Variants in GPR176 observed in about 807,000 individuals in gnomAD.
GPR176 encodes the protein G protein-coupled receptor 176.
GPR176 carries 26 observed loss-of-function variants against 35.4 expected under a neutral mutation model. The observed-to-expected ratio is 0.74, with a 90% CI of 0.54 to 1.02. GPR176 has a LOEUF of 1.02. Ranked by LOEUF, GPR176 falls within the 50% of genes least tolerant of loss-of-function variation. GPR176 has a pLI of 0.00. For synonymous variants in GPR176, 278 were observed against 271.3 expected, an observed-to-expected ratio of 1.02 and a Z score of -0.24; for missense variants, 597 against 665.3, an observed-to-expected ratio of 0.90 and a Z score of 1.13.
In GPR176 at chr15:39,801,540, G is replaced by A; in HGVS notation, c.1140C>T (p.Ile380=). The A allele has an allele frequency of 6.2e-7, 1 of 1,614,154 alleles. No homozygotes were observed. The highest frequency in any genetic ancestry group is 2.2e-5 in the East Asian group (1 of 44,888). The change falls in exon 3 of 3, where the codon ATC becomes ATT. Residue 380 remains isoleucine (I), a synonymous_variant. Coordinates refer to ENST00000561100, the MANE Select transcript of GPR176 (RefSeq NM_007223.3). The stretch of plus-strand genomic sequence containing the variant: ...CTTCCTCATCCTCTGTGGGCTTAAA[G>A]ATCTGCTGCTGCCCAATGTGGAACA... ...LEMFHIGQQQ[I]FKPTEDEEES... is the part of the protein sequence containing the mutation.
At chr15:39,899,245 G>A (rs780180204) in intron 1 of GPR176, among the ~76,000 whole-genome samples, 1 of 152,172 alleles carries the variant, frequency 6.6e-6, no homozygotes, top group Non-Finnish European at 1.5e-5. Context: ...CCCCTGCTTT[G>A]CCTGTTGACT....
chr15:39,801,537 A>G lies in GPR176; in HGVS notation c.1143T>C (p.Phe381=). 6.2e-7 allele frequency: 1 copy of G among 1,614,138 alleles called. No homozygotes were observed. Among genetic ancestry groups the G allele is most frequent in the African/African-American group, 1.3e-5 (1 of 75,040 alleles). Residue 381 remains phenylalanine, a synonymous_variant, in exon 3 of 3, where the codon TTT becomes TTC. Transcript: ENST00000561100. ...EMFHIGQQQI[F]KPTEDEEESE... is the part of the protein sequence containing the mutation. ...TCTCTTCCTCATCCTCTGTGGGCTTAAAGATCTGCTGCTGCCCAATGTGGA... is the reference window on the plus strand; with the variant it reads ...TCTCTTCCTCATCCTCTGTGGGCTTGAAGATCTGCTGCTGCCCAATGTGGA...
intron 1 of GPR176, among the ~76,000 whole-genome samples, chr15:39,820,097 T>C (rs1174351784): frequency 6.6e-6 from 1 of 152,176 alleles, no homozygotes; most frequent in Non-Finnish European, 1.5e-5. Flanking sequence ...GTTAAATTGC[T>C]CTAGAGCAGA....
intron 1 of GPR176, among the ~76,000 whole-genome samples, chr15:39,809,953 G>A (rs1443275114): frequency 6.6e-6 from 1 of 152,072 alleles, no homozygotes; most frequent in African/African-American, 2.4e-5. Flanking sequence ...AGACCATCCT[G>A]GCTAACATGG....
chr15:39,814,197 T>C (rs1490358756), intron 1 of GPR176, among the ~76,000 whole-genome samples: 1 of 152,226 alleles, frequency 6.6e-6, no homozygotes, highest in Non-Finnish European at 1.5e-5. Flanking sequence ...TTATCCTGCC[T>C]CTTTCTCTTC....
At chr15:39,842,875 GA>G (rs951271920) in intron 1 of GPR176, among the ~76,000 whole-genome samples, 15 of 152,204 alleles carry the variant, frequency 9.9e-5, no homozygotes, top group South Asian at 2.1e-4. Flanking sequence ...TGCTCTGGAG[GA>G]AGGAAAGCCA....
chr15:39,915,073 T>C (rs1244059894), intron 1 of GPR176, among the ~76,000 whole-genome samples: 5 of 152,164 alleles, frequency 3.3e-5, no homozygotes, highest in Non-Finnish European at 5.9e-5. Context: ...GCAAGTTGGA[T>C]CTTTACTTGG....
At chr15:39,895,314 C>T (rs1227184373) in intron 1 of GPR176, among the ~76,000 whole-genome samples, 2 of 119,916 alleles carry the variant, frequency 1.7e-5, no homozygotes, top group East Asian at 2.6e-4. Context: ...AGGGGGAGGG[C>T]GATCTCTAAC....
rs1176602889 is a variant in GPR176, at chr15:39,918,391, T to A, written c.172+1464A>T. Among the ~76,000 whole-genome samples, 6 of 152,308 alleles carry A rather than the reference T, an allele frequency of 3.9e-5. No individual in the cohort carries two copies. In the East Asian group the frequency reaches 1.2e-3, roughly 29 times the overall value. On this transcript the variant is annotated intron_variant, in intron 1 of 2. Coordinates refer to ENST00000561100, the MANE Select transcript of GPR176 (RefSeq NM_007223.3). ...ATTTCTCCTCCCAACACCACCTTTC[T>A]TCAGAGTTAAAGTTATCCGTGGGGG...
chr15:39,906,635 T>A (rs2033430072), intron 1 of GPR176, among the ~76,000 whole-genome samples: 1 of 152,270 alleles, frequency 6.6e-6, no homozygotes, highest in Non-Finnish European at 1.5e-5. Context: ...TGAAACCTTC[T>A]GCCCCTGTGG....
At chr15:39,891,588 C>T (rs1394933031) in intron 1 of GPR176, among the ~76,000 whole-genome samples, 7 of 152,236 alleles carry the variant, frequency 4.6e-5, no homozygotes, top group Non-Finnish European at 1.5e-5. Context: ...GATCCTGCTT[C>T]AGCCTCCCAA....
At chr15:39,826,448 G>A (rs934209824) in intron 1 of GPR176, among the ~76,000 whole-genome samples, 49 of 152,124 alleles carry the variant, frequency 3.2e-4, no homozygotes, top group African/African-American at 1.2e-3. Context: ...CCTCAGGAAA[G>A]GGGGACCACT....
At chr15:39,805,420 A>T (rs1566934523) in intron 2 of GPR176, among the ~76,000 whole-genome samples, 1 of 152,298 alleles carries the variant, frequency 6.6e-6, no homozygotes. Context: ...TGAAAAAAAA[A>T]AATAATTGCC....
intron 1 of GPR176, among the ~76,000 whole-genome samples, chr15:39,867,905 T>C (rs2031895230): frequency 6.6e-6 from 1 of 152,052 alleles, no homozygotes; most frequent in Admixed American, 6.6e-5. Context: ...AGGAGACAGT[T>C]TGAGTGGCTG....
At chr15:39,888,877 C>T (rs1216946428) in intron 1 of GPR176, among the ~76,000 whole-genome samples, 3 of 152,182 alleles carry the variant, frequency 2.0e-5, no homozygotes, top group Non-Finnish European at 4.4e-5. Flanking sequence ...TAAACAGTCA[C>T]CTCCTCTGGG....
chr15:39,855,233 T>C (rs1933813233), intron 1 of GPR176, among the ~76,000 whole-genome samples: 1 of 152,136 alleles, frequency 6.6e-6, no homozygotes, highest in Non-Finnish European at 1.5e-5. Context: ...ACAAAGTACA[T>C]CGCCAATGCT....
At chr15:39,917,288 C>G (rs1245274527) in intron 1 of GPR176, among the ~76,000 whole-genome samples, 1 of 126,982 alleles carries the variant, frequency 7.9e-6, no homozygotes, top group East Asian at 2.3e-4. Flanking sequence ...AACTCCGTCT[C>G]AAAAAAAAAA....
rs2140771797 is a variant in GPR176 at position 39,802,134 on chromosome 15, A to T, written c.546T>A (p.Asn182Lys). 1 of 1,614,212 alleles carries T rather than the reference A, an allele frequency of 6.2e-7. No homozygotes were observed. The change falls in exon 3 of 3, where the codon AAT becomes AAA. Residue 182 changes from asparagine (N) to lysine (K), a missense_variant. By Grantham distance (94) the Asn-to-Lys change is moderately conservative. Transcript: ENST00000561100. Reference protein sequence around the residue: ...VASVPVFAVTNVADIYATSTC... With the variant: ...VASVPVFAVTKVADIYATSTC... ...TGGACGTGGCATAGATGTCAGCCAC[A>T]TTGGTTACTGCAAACACAGGGACAC...
At chr15:39,903,607 T>C (rs1303758602) in intron 1 of GPR176, among the ~76,000 whole-genome samples, 1 of 152,036 alleles carries the variant, frequency 6.6e-6, no homozygotes, top group African/African-American at 2.4e-5. Context: ...GTGTGGCATC[T>C]TACACAGGTT....
Sources: allele counts gnomAD v4.1 joint callset (sites outside exome capture counted in the v4.1 genomes callset), GRCh38; gene constraint gnomAD v4.1.1; transcripts MANE v1.5; gene names NCBI Gene and HGNC (gene_info 2026-07-23, HGNC 2026-07-21).